CEP164: variants seen among roughly 807,000 people sequenced by gnomAD.
The protein encoded by CEP164 is centrosomal protein 164.
In CEP164, 162 loss-of-function variants were observed where a neutral mutation model predicts 182.7. The ratio of observed to expected loss-of-function variants is 0.89; its 90% confidence interval spans 0.78 to 1.01. The LOEUF is 1.01. Ranked by LOEUF, CEP164 falls within the 50% of genes least tolerant of loss-of-function variation. The pLI, the probability that CEP164 is intolerant of heterozygous loss-of-function variation, is 0.00. For missense variants in CEP164, 1,735 were observed against 1,790.4 expected, an observed-to-expected ratio of 0.97 and a Z score of 0.56; for synonymous variants, 661 against 690.0, an observed-to-expected ratio of 0.96 and a Z score of 0.66.
chr11:117,352,523 C>T, intron 5 of CEP164, among the ~76,000 whole-genome samples: 1 of 152,188 alleles, frequency 6.6e-6, no homozygotes, highest in East Asian at 1.9e-4. Flanking sequence ...ATCTACTCAT[C>T]TAGATTGTTG....
chr11:117,409,792 G>A lies in CEP164; in HGVS notation c.3923G>A (p.Ser1308Asn). The change falls in exon 30 of 33, where the codon AGC (serine) becomes AAC (asparagine). Residue 1308 changes from serine (S) to asparagine (N), a missense_variant. Coordinates refer to ENST00000278935, the MANE Select transcript of CEP164 (RefSeq NM_014956.5). This position sits in a 1 kb window ranked among gnomAD's most constrained non-coding sequence, Gnocchi z 4.4. ...CAGCTCCCTCCCCGGGACCCTAAGA[G>A]CACCCCCACCCCCACCTACTATGGC... ...PAQLPPRDPK[S>N]TPTPTYYGSL... The A allele has an allele frequency of 2.5e-6, 4 of 1,612,940 alleles. No homozygotes were observed. Among genetic ancestry groups the A allele is most frequent in the Non-Finnish European group, 3.4e-6 (4 of 1,179,366 alleles).
chr11:117,359,943 C>G (rs769875061), intron 5 of CEP164, among the ~76,000 whole-genome samples: 32 of 152,118 alleles, frequency 2.1e-4, no homozygotes, highest in Admixed American at 8.5e-4. Context: ...AGCGGGAGGT[C>G]TCACGAATTC....
At chr11:117,405,273 C>G (rs774677882) in intron 27 of CEP164, among the ~76,000 whole-genome samples, 1 of 152,188 alleles carries the variant, frequency 6.6e-6, no homozygotes, top group African/African-American at 2.4e-5. Flanking sequence ...AACCCAGGGC[C>G]CTGGTGGTGT....
intron 27 of CEP164, among the ~76,000 whole-genome samples, chr11:117,406,071 T>G (rs1450841153): frequency 6.6e-6 from 1 of 152,234 alleles, no homozygotes; most frequent in East Asian, 1.9e-4. Context: ...TCCACATTTT[T>G]GGGTATCTTT....
At chr11:117,404,147 A>C (rs982777726) in intron 27 of CEP164, among the ~76,000 whole-genome samples, 1 of 151,982 alleles carries the variant, frequency 6.6e-6, no homozygotes, top group Non-Finnish European at 1.5e-5. Flanking sequence ...TCTGAAGCCT[A>C]TTTCTGTCAG....
intron 5 of CEP164, chr11:117,355,870 A>G (rs1316383519): frequency 4.3e-5 from 45 of 1,051,580 alleles, no homozygotes; most frequent in Non-Finnish European, 5.2e-5. Flanking sequence ...TGGCATCAGA[A>G]CCAGCTCAGA....
intron 5 of CEP164, among the ~76,000 whole-genome samples, chr11:117,358,793 C>T (rs1041376091): frequency 3.9e-5 from 6 of 152,040 alleles, no homozygotes; most frequent in Non-Finnish European, 7.4e-5. Flanking sequence ...CCTTGGCTTC[C>T]GAAAGTACTG....
At chr11:117,370,068 C>T (rs940083669) in intron 8 of CEP164, among the ~76,000 whole-genome samples, 8 of 152,230 alleles carry the variant, frequency 5.3e-5, no homozygotes, top group Admixed American at 2.0e-4. Context: ...GCCTACTAGG[C>T]GACTCTGCTG....
Position 117,394,559 on chromosome 11 carries a change from G to A in CEP164, c.2760+66G>A. The A allele has an allele frequency of 6.4e-7, 1 of 1,572,632 alleles. No homozygotes were observed. The highest frequency in any genetic ancestry group is 8.6e-7 in the Non-Finnish European group (1 of 1,156,200). On this transcript the variant is annotated intron_variant, in intron 21 of 32. Transcript: ENST00000278935. This position sits in a 1 kb window ranked among gnomAD's most constrained non-coding sequence, Gnocchi z 4.0. ...CATGCACAGTAGGAAGGTGCTGGGA[G>A]CAGACGCATGGCCCCAGCAGGATGC...
At chr11:117,339,265 C>T (rs575358844) in intron 3 of CEP164, among the ~76,000 whole-genome samples, 32 of 152,182 alleles carry the variant, frequency 2.1e-4, no homozygotes, top group Non-Finnish European at 3.2e-4. Context: ...AGTTACTCTC[C>T]GGTTGTTTAC....
intron 7 of CEP164, among the ~76,000 whole-genome samples, 167 bp downstream of exon 7, chr11:117,362,705 C>T (rs1484202059): frequency 6.7e-6 from 1 of 150,354 alleles, no homozygotes; most frequent in Non-Finnish European, 1.5e-5. Context: ...TGTGTGCACC[C>T]AACACCACTA....
At chr11:117,333,831 C>T (rs994179674) in intron 1 of CEP164, among the ~76,000 whole-genome samples, 5 of 152,160 alleles carry the variant, frequency 3.3e-5, no homozygotes, top group African/African-American at 1.2e-4. Flanking sequence ...CCACTGTGCC[C>T]AGCCCTAGTT....
intron 23 of CEP164, 64 bp from the exon 24 acceptor site, chr11:117,395,483 T>C: frequency 6.6e-7 from 1 of 1,523,460 alleles, no homozygotes; most frequent in Non-Finnish European, 8.8e-7. Flanking sequence ...CCTCTCGTGC[T>C]GTCTGCTCCC....
intron 32 of CEP164, 49 bp from the exon 33 acceptor site, chr11:117,412,023 C>T: frequency 6.2e-7 from 1 of 1,612,072 alleles, no homozygotes; most frequent in Admixed American, 1.7e-5. Flanking sequence ...TTCATGGCCC[C>T]TGCCTGGCTA....
intron 12 of CEP164, 122 bp from the exon 13 acceptor site, chr11:117,381,579 G>C: frequency 1.7e-6 from 2 of 1,172,726 alleles, no homozygotes; most frequent in East Asian, 2.8e-5. Context: ...GGATGTGGGG[G>C]TGGGGCTGGA....
chr11:117,361,717 C>A, intron 5 of CEP164, 118 bp from the exon 6 acceptor site: 2 of 972,730 alleles, frequency 2.1e-6, no homozygotes, highest in Non-Finnish European at 3.2e-6. Context: ...AGCCTCTGAG[C>A]GGAGGTGGTT....
Position 117,409,228 on chromosome 11 carries a change from A to G in CEP164, c.3748+200A>G. On this transcript the variant is annotated intron_variant, in intron 29 of 32. Transcript: ENST00000278935. This position sits in a 1 kb window ranked among gnomAD's most constrained non-coding sequence, Gnocchi z 4.4. Reference sequence around the variant, plus strand: ...GCACGTGGGGCTGAAAGGTCAGGGAAGCCCTCTGAATGCTGCAGAGCACTC... The same window carrying G: ...GCACGTGGGGCTGAAAGGTCAGGGAGGCCCTCTGAATGCTGCAGAGCACTC... The G allele has an allele frequency of 1.4e-6, 1 of 690,382 alleles. No individual in the cohort carries two copies. Among genetic ancestry groups the G allele is most frequent in the Non-Finnish European group, 2.4e-6 (1 of 416,468 alleles). The allele number at this position is 690,382 out of a possible 1,614,324, so 42.8% of individuals were successfully genotyped here. A position where few individuals can be genotyped will look rare whatever the true frequency, so the allele number is the denominator to read the frequency against.
At chr11:117,404,278 C>T (rs866232014) in intron 27 of CEP164, among the ~76,000 whole-genome samples, 1 of 152,050 alleles carries the variant, frequency 6.6e-6, no homozygotes, top group Non-Finnish European at 1.5e-5. Flanking sequence ...GGTTTTTCCT[C>T]ATCTTCATGG....
chr11:117,337,612 C>T (rs751228371), intron 2 of CEP164, among the ~76,000 whole-genome samples: 4 of 152,006 alleles, frequency 2.6e-5, no homozygotes, highest in African/African-American at 4.8e-5. Context: ...CTTAACATCA[C>T]TGGGTCTGTT....
Sources: gnomAD v4.1 joint callset for allele counts (sites outside exome capture counted in the v4.1 genomes callset) on GRCh38, gnomAD v4.1.1 for gene constraint, Gnocchi (gnomAD v3.1) non-coding constraint, MANE v1.5 for transcripts, NCBI Gene and HGNC (gene_info 2026-07-23, HGNC 2026-07-21) for gene names.